ZFP2: variants seen among roughly 807,000 people sequenced by gnomAD.
ZFP2 encodes the protein ZFP2 zinc finger protein, also known as zinc finger protein ZFP2.
In ZFP2, 33 loss-of-function variants were observed where a neutral mutation model predicts 36.1. The ratio of observed to expected loss-of-function variants is 0.92; its 90% CI spans 0.69 to 1.22. ZFP2 has a LOEUF of 1.22. Ranked by LOEUF, ZFP2 falls within the 50% of genes most tolerant of loss-of-function variation. The pLI, the probability that ZFP2 is intolerant of heterozygous loss-of-function variation, is 0.00. For synonymous variants in ZFP2, 170 were observed against 178.0 expected, an observed-to-expected ratio of 0.96 and a Z score of 0.36; for missense variants, 522 against 551.4, an observed-to-expected ratio of 0.95 and a Z score of 0.53.
intron 4 of ZFP2, among the ~76,000 whole-genome samples, chr5:178,920,828 G>A (rs1014895643): frequency 2.6e-5 from 4 of 152,042 alleles, no homozygotes; most frequent in Non-Finnish European, 2.9e-5. Flanking sequence ...GATGTCTGTT[G>A]GTTATCTTTT....
intron 1 of ZFP2, among the ~76,000 whole-genome samples, chr5:178,898,277 C>T (rs74544461): frequency 0.039 from 5,936 of 152,216 alleles, 410 homozygotes; most frequent in African/African-American, 0.14. Context: ...TGAGCCACCG[C>T]GCATGGCCCA....
At chr5:178,924,100 G>A (rs1297031191) in intron 4 of ZFP2, among the ~76,000 whole-genome samples, 1 of 149,180 alleles carries the variant, frequency 6.7e-6, no homozygotes, top group African/African-American at 2.4e-5. Context: ...TACGCAAGGT[G>A]TGGTGGCTCA....
intron 4 of ZFP2, chr5:178,922,306 G>C: frequency 1.0e-6 from 1 of 963,142 alleles, no homozygotes. Flanking sequence ...CCAGATTTTT[G>C]AAATGCTGTA....
At chr5:178,898,014 G>A (rs190124768) in intron 1 of ZFP2, among the ~76,000 whole-genome samples, 1 of 151,814 alleles carries the variant, frequency 6.6e-6, no homozygotes, top group East Asian at 1.9e-4. Flanking sequence ...TTATTGAGAC[G>A]GAGTCTTGCT....
chr5:178,932,619 A>G lies in ZFP2; in HGVS notation c.1306A>G (p.Lys436Glu). Reference sequence around the variant, plus strand: ...GCATCAGAGAACTCATACAGGAGAGAAACCCTATCAGTGTAATGAATGCGG... The same window carrying G: ...GCATCAGAGAACTCATACAGGAGAGGAACCCTATCAGTGTAATGAATGCGG... ...TVHQRTHTGE[K>E]PYQCNECGKA... Residue 436 changes from lysine to glutamate, a missense_variant, in exon 5 of 5, where the codon AAA (lysine) becomes GAA (glutamate). Transcript: ENST00000361362. 1 of 1,614,160 alleles carries G rather than the reference A, an allele frequency of 6.2e-7. No homozygotes were observed. The highest frequency in any genetic ancestry group is 1.3e-5 in the African/African-American group (1 of 75,064).
chr5:178,918,759 T>A (rs1308562805), intron 4 of ZFP2, among the ~76,000 whole-genome samples: 1 of 152,220 alleles, frequency 6.6e-6, no homozygotes, highest in Non-Finnish European at 1.5e-5. Context: ...ATAGTAATGA[T>A]GGTAATGATA....
At chr5:178,899,895 G>A (rs1561676862) in intron 1 of ZFP2, among the ~76,000 whole-genome samples, 1 of 152,032 alleles carries the variant, frequency 6.6e-6, no homozygotes, top group African/African-American at 2.4e-5. Context: ...AGGATCACTT[G>A]TTTATTTATT....
intron 1 of ZFP2, among the ~76,000 whole-genome samples, chr5:178,896,721 T>G (rs563821144): frequency 2.0e-5 from 3 of 152,218 alleles, no homozygotes; most frequent in Non-Finnish European, 4.4e-5. Flanking sequence ...TGTATAAGCA[T>G]AGAAACACTT....
intron 4 of ZFP2, among the ~76,000 whole-genome samples, chr5:178,930,172 A>T (rs929413212): frequency 1.3e-5 from 2 of 151,964 alleles, no homozygotes; most frequent in Non-Finnish European, 2.9e-5. Context: ...CCCACCTCCA[A>T]CACTGGGGAT....
At chr5:178,928,743 T>C (rs1416539993) in intron 4 of ZFP2, among the ~76,000 whole-genome samples, 2 of 152,222 alleles carry the variant, frequency 1.3e-5, no homozygotes, top group Non-Finnish European at 2.9e-5. Context: ...TTCTGGAGTC[T>C]GGAGGGCAGT....
intron 4 of ZFP2, among the ~76,000 whole-genome samples, chr5:178,929,392 C>T (rs1254446196): frequency 6.6e-6 from 1 of 152,220 alleles, no homozygotes; most frequent in East Asian, 1.9e-4. Context: ...GTTCTCACAT[C>T]TGAGCATAGA....
At chr5:178,923,857 T>TA (rs1382555094) in intron 4 of ZFP2, among the ~76,000 whole-genome samples, 1 of 149,164 alleles carries the variant, frequency 6.7e-6, no homozygotes, top group Non-Finnish European at 1.5e-5. Flanking sequence ...AGTACAAAAA[T>TA]ATGTTTGAAC....
At chr5:178,918,927 C>T (rs1289880247) in intron 4 of ZFP2, among the ~76,000 whole-genome samples, 8 of 152,128 alleles carry the variant, frequency 5.3e-5, no homozygotes, top group East Asian at 1.9e-4. Flanking sequence ...GGCTCCAAGC[C>T]CACAATACTC....
chr5:178,898,577 A>G (rs569183888), intron 1 of ZFP2, among the ~76,000 whole-genome samples: 3 of 152,198 alleles, frequency 2.0e-5, no homozygotes, highest in African/African-American at 7.2e-5. Context: ...CCCTTCCCTC[A>G]GCTCTGCCTC....
intron 1 of ZFP2, among the ~76,000 whole-genome samples, chr5:178,897,489 C>T (rs1228201378): frequency 2.6e-5 from 4 of 152,010 alleles, no homozygotes; most frequent in Non-Finnish European, 4.4e-5. Flanking sequence ...GCTGTCTGTC[C>T]CACGAGATTA....
chr5:178,927,675 G>T (rs1038433885), intron 4 of ZFP2, among the ~76,000 whole-genome samples: 2 of 132,734 alleles, frequency 1.5e-5, no homozygotes. Context: ...GTGTGTGTGT[G>T]TGTGTGTGTG....
intron 4 of ZFP2, among the ~76,000 whole-genome samples, chr5:178,926,686 T>C (rs1416382347): frequency 2.0e-5 from 3 of 151,894 alleles, no homozygotes; most frequent in Non-Finnish European, 4.4e-5. Context: ...CCGGCTAATT[T>C]TTTTGTATTT....
chr5:178,904,367 C>T (rs1408545298), intron 1 of ZFP2, among the ~76,000 whole-genome samples: 1 of 152,054 alleles, frequency 6.6e-6, no homozygotes. Flanking sequence ...GAGGACGCAG[C>T]AGGGGAACAT....
At chr5:178,924,955 C>T (rs1758635788) in intron 4 of ZFP2, among the ~76,000 whole-genome samples, 1 of 148,182 alleles carries the variant, frequency 6.7e-6, no homozygotes, top group Admixed American at 6.8e-5. Context: ...TCTCCTCATT[C>T]ACATCCTCTT....
Sources: gnomAD v4.1 joint callset for allele counts (sites outside exome capture counted in the v4.1 genomes callset) on GRCh38, gnomAD v4.1.1 for gene constraint, MANE v1.5 for transcripts, NCBI Gene and HGNC (gene_info 2026-07-23, HGNC 2026-07-21) for gene names.